Variants in ZFPL1 observed in about 807,000 individuals in gnomAD.
ZFPL1 encodes zinc finger protein like 1.
In ZFPL1, 28 loss-of-function variants were observed where a neutral mutation model predicts 32.0. That is an observed-to-expected ratio of 0.87 (90% confidence interval 0.65 to 1.20). The LOEUF (loss-of-function observed/expected upper bound fraction) is 1.20, where lower values mean the gene tolerates loss of function less well. ZFPL1 is among the 50% of genes most tolerant of loss of function. The pLI is 0.00. For synonymous variants in ZFPL1, 165 were observed against 177.0 expected, an observed-to-expected ratio of 0.93 and a Z score of 0.54; for missense variants, 386 against 424.8, an observed-to-expected ratio of 0.91 and a Z score of 0.80.
intron 1 of ZFPL1, 89 bp from the exon 2 acceptor site, chr11:65,084,602 G>C: frequency 1.9e-6 from 2 of 1,062,648 alleles, no homozygotes; most frequent in East Asian, 2.4e-5. Flanking sequence ...AGAGGTGTCT[G>C]GGGGAGTTAA....
intron 3 of ZFPL1, 38 bp downstream of exon 3, chr11:65,085,264 CAG>C (rs761185836): frequency 1.3e-5 from 20 of 1,583,716 alleles, no homozygotes; most frequent in African/African-American, 2.7e-5. Context: ...AGGCCAGCCT[CAG>C]GGGCCAGCTT....
chr11:65,087,864 T>C (rs1947694874), intron 7 of ZFPL1, 64 bp from the exon 8 acceptor site: 2 of 1,482,734 alleles, frequency 1.3e-6, no homozygotes, highest in Non-Finnish European at 1.8e-6. Flanking sequence ...GACCAGGGCT[T>C]CTCTCCAGCC....
At position 65,088,281 on chromosome 11, in the gene ZFPL1, TG is replaced by T; in HGVS notation, c.*169del. The T allele has an allele frequency of 9.0e-7, 1 of 1,107,848 alleles. No homozygotes were observed. 68.6% of individuals were successfully genotyped at this position (1,107,848 alleles called of 1,614,324 possible). A position where few individuals can be genotyped will look rare whatever the true frequency, so the allele number is the denominator to read the frequency against. ...CACCAGAGTGGCTGCAGGCCAGGCC[TG>T]GAGTCCCCGTGGGTCAAGCATTTGT... On this transcript the variant is annotated 3_prime_UTR_variant, in exon 8 of 8. Coordinates refer to ENST00000294258, the MANE Select transcript of ZFPL1 (RefSeq NM_006782.4).
chr11:65,085,308 C>G (rs1453612990), intron 3 of ZFPL1, 82 bp downstream of exon 3: 1 of 1,238,982 alleles, frequency 8.1e-7, no homozygotes, highest in Admixed American at 1.7e-5. Context: ...CCTCAAGCAG[C>G]AGGACAGTGA....
At position 65,087,972 on chromosome 11, in the gene ZFPL1, G is replaced by A. The variant is rs140791524; in HGVS notation, c.791G>A (p.Arg264Gln). Residue 264 changes from arginine (R) to glutamine (Q), a missense_variant, in exon 8 of 8, where the codon CGG becomes CAG. Transcript: ENST00000294258. ...AAGCGGCCGCTGACCCTGCTCCAGC[G>A]GGCGGGGCTGCTGCTACTCTTGGGA... ...SRKRPLTLLQ[R>Q]AGLLLLLGLL... is the part of the protein sequence containing the mutation. The A allele has an allele frequency of 3.8e-5, 61 of 1,585,864 alleles. No homozygotes were observed. The highest frequency in any genetic ancestry group is 2.9e-4 in the African/African-American group (21 of 73,648).
At chr11:65,086,114 C>T (rs1379895047) in intron 3 of ZFPL1, 2 of 472,032 alleles carry the variant, frequency 4.2e-6, no homozygotes, top group East Asian at 4.1e-5. Context: ...AGCCATTAGC[C>T]CAAAGAATAT....
rs1161981363 is a variant in ZFPL1 at position 65,085,127 on chromosome 11, T to A, written c.115T>A (p.Ser39Thr). 6.2e-7 allele frequency: 1 copy of A among 1,614,018 alleles called. No homozygotes were observed. Among genetic ancestry groups the A allele is most frequent in the African/African-American group, 1.3e-5 (1 of 74,888 alleles). The change falls in exon 3 of 8, where the codon TCC becomes ACC. Residue 39 changes from serine (S) to threonine (T), a missense_variant. Ser to Thr is a moderately conservative substitution (Grantham distance 58). Coordinates refer to ENST00000294258, the MANE Select transcript of ZFPL1 (RefSeq NM_006782.4). ...VANHAKCIVQ[S>T]YLQWLQDSDY... is the part of the protein sequence containing the mutation. The stretch of plus-strand genomic sequence containing the variant: ...TCTCCCACTCCAGTGCATCGTCCAG[T>A]CCTACCTGCAATGGCTCCAAGATAG...
rs111719807 is a variant in ZFPL1 at position 65,086,743 on chromosome 11, G to A, written c.432G>A (p.Glu144=). 50 of 1,614,226 alleles carry A rather than the reference G, an allele frequency of 3.1e-5. No individual in the cohort carries two copies. In the African/African-American group the frequency reaches 4.4e-4, roughly 14 times the overall value. ...AGATCGATGAGGTGGTGAGCCCAGA[G>A]CCCGAGCCCCTCAACACGTCTGACT... ...LPLIDEVVSP[E]PEPLNTSDFS... Residue 144 remains glutamate, a synonymous_variant, in exon 5 of 8, where the codon GAG becomes GAA. Transcript: ENST00000294258.
intron 6 of ZFPL1, 52 bp from the exon 7 acceptor site, chr11:65,087,264 C>A (rs958791969): frequency 2.5e-6 from 4 of 1,601,644 alleles, no homozygotes; most frequent in Non-Finnish European, 2.6e-6. Context: ...TAGCCCTCCC[C>A]AAAGCGGCCA....
chr11:65,085,031 G>C, intron 2 of ZFPL1, 84 bp from the exon 3 acceptor site: 1 of 1,349,080 alleles, frequency 7.4e-7, no homozygotes, highest in Non-Finnish European at 1.1e-6. Flanking sequence ...CTCCTCTGTG[G>C]CTAGAGAAAA....
chr11:65,084,908 G>A, intron 2 of ZFPL1, 108 bp downstream of exon 2: 1 of 1,331,948 alleles, frequency 7.5e-7, no homozygotes, highest in Middle Eastern at 2.0e-4. Flanking sequence ...CCCCACAAGG[G>A]CAAGGACTTG....
chr11:65,084,627 C>A (rs1321441704), intron 1 of ZFPL1, 64 bp from the exon 2 acceptor site: 3 of 1,392,342 alleles, frequency 2.2e-6, no homozygotes, highest in East Asian at 2.3e-5. Context: ...GGAAACTGGG[C>A]TGGTGAGAGC....
chr11:65,085,264 CAGGGGCCAGCTTG>C, intron 3 of ZFPL1, 38 bp downstream of exon 3: 2 of 1,583,834 alleles, frequency 1.3e-6, no homozygotes, highest in Non-Finnish European at 1.7e-6. Flanking sequence ...AGGCCAGCCT[CAGGGGCCAGCTTG>C]GTGACTGGTT....
At chr11:65,086,130 G>C in intron 3 of ZFPL1, 4 of 532,326 alleles carry the variant, frequency 7.5e-6, no homozygotes, top group Non-Finnish European at 1.4e-5. Flanking sequence ...AATATGATGA[G>C]TGCAGGCCCA....
rs748727540 is a variant in ZFPL1 at position 65,087,025 on chromosome 11, C to T, written c.579C>T (p.Pro193=). 8 of 1,613,930 alleles carry T rather than the reference C, an allele frequency of 5.0e-6. No homozygotes were observed. Among genetic ancestry groups the T allele is most frequent in the African/African-American group, 2.7e-5 (2 of 75,026 alleles). Reference sequence around the variant, plus strand: ...GGCCCCCAGCTTCCCCAGGCCGGCCCGAGCAGCACACAGTGATCCACATGG... The same window carrying T: ...GGCCCCCAGCTTCCCCAGGCCGGCCTGAGCAGCACACAGTGATCCACATGG... ...APRPPASPGR[P]EQHTVIHMGN... The change falls in exon 6 of 8, where the codon CCC becomes CCT. Residue 193 remains proline (P), a synonymous_variant. Transcript: ENST00000294258.
chr11:65,084,544 C>A, intron 1 of ZFPL1, 147 bp from the exon 2 acceptor site: 1 of 673,950 alleles, frequency 1.5e-6, no homozygotes, highest in Non-Finnish European at 2.5e-6. Flanking sequence ...GGTGTTTCTC[C>A]GCATAAGGAG....
intron 6 of ZFPL1, 27 bp from the exon 7 acceptor site, chr11:65,087,289 A>G: frequency 1.9e-6 from 3 of 1,611,534 alleles, no homozygotes; most frequent in Middle Eastern, 1.7e-4. Context: ...TCCTGAGTCT[A>G]TTGATGCTAG....
chr11:65,088,267 C>T lies in ZFPL1; in HGVS notation c.*153C>T. 8.6e-7 allele frequency: 1 copy of T among 1,160,542 alleles called. No homozygotes were observed. The highest frequency in any genetic ancestry group is 1.2e-6 in the Non-Finnish European group (1 of 824,022). The allele number at this position is 1,160,542 out of a possible 1,614,324, so 71.9% of individuals were successfully genotyped here. ...CCCAAAGCCAAGTCCACCAGAGTGG[C>T]TGCAGGCCAGGCCTGGAGTCCCCGT... On this transcript the variant is annotated 3_prime_UTR_variant, in exon 8 of 8. Coordinates refer to ENST00000294258, the MANE Select transcript of ZFPL1 (RefSeq NM_006782.4).
At chr11:65,086,054 T>C in intron 3 of ZFPL1, 1 of 346,200 alleles carries the variant, frequency 2.9e-6, no homozygotes, top group South Asian at 2.7e-5. Flanking sequence ...TACATGTATA[T>C]GTGTGCCTGT....
Sources: gnomAD v4.1 joint callset for allele counts on GRCh38, gnomAD v4.1.1 for gene constraint, MANE v1.5 for transcripts, NCBI Gene and HGNC (gene_info 2026-07-23, HGNC 2026-07-21) for gene names.